The following NOC4L variants were observed in gnomAD, a reference collection of about 807,000 sequenced individuals.
The protein encoded by NOC4L is nucleolar complex protein 4 homolog.
NOC4L carries 40 observed loss-of-function variants against 62.8 expected under a neutral mutation model. The observed-to-expected ratio is 0.64, with a 90% CI of 0.49 to 0.83. NOC4L has a LOEUF of 0.83. Among genes scored for constraint, NOC4L ranks in the 40% least tolerant of loss-of-function variants. The pLI, the probability that NOC4L is intolerant of heterozygous loss-of-function variation, is 0.00. For synonymous variants in NOC4L, 433 were observed against 299.8 expected (o/e 1.44, Z -4.59); for missense variants, 927 against 701.9 (o/e 1.32, Z -3.62).
chr12:132,146,648 A>G (rs181917713), intron 3 of NOC4L, among the ~76,000 whole-genome samples: 1 of 152,190 alleles, frequency 6.6e-6, no homozygotes, highest in East Asian at 1.9e-4. Context: ...CGAGCTGCAG[A>G]CTTTTAAATG....
chr12:132,148,000 G>C, intron 6 of NOC4L, 21 bp downstream of exon 6: 1 of 1,612,428 alleles, frequency 6.2e-7, no homozygotes, highest in South Asian at 1.1e-5. Context: ...TGAGAGTCAG[G>C]GGCGGACAGG....
In NOC4L at chr12:132,147,301, C is replaced by G. The variant is rs1204297086; in HGVS notation, c.366C>G (p.Leu122=). The G allele has an allele frequency of 6.4e-7, 1 of 1,570,900 alleles. No homozygotes were observed. Among genetic ancestry groups the G allele is most frequent in the Middle Eastern group, 1.7e-4 (1 of 6,008 alleles). The change falls in exon 4 of 15, where the codon CTC becomes CTG. Residue 122 remains leucine (L), a synonymous_variant. Coordinates refer to ENST00000330579, the MANE Select transcript of NOC4L (RefSeq NM_024078.3). The part of the protein sequence containing the change: ...FQVKELALSA[L]LKFVQLEGAH... ...CCCAGGAGCTGGCCCTCAGCGCACT[C>G]CTGAAGTTCGTGCAGCTGGAAGGAG...
Position 132,148,912 on chromosome 12 carries a change from CG to C in NOC4L, c.901+18del. ...GCGACCTCGGTGAGTGCCGCCGCCT[CG>C]CTCACACCACACCCCTAATCCCCTC... On this transcript the variant is annotated intron_variant, in intron 9 of 14. Coordinates refer to ENST00000330579, the MANE Select transcript of NOC4L (RefSeq NM_024078.3). The C allele has an allele frequency of 9.0e-7, 1 of 1,115,328 alleles. No individual in the cohort carries two copies. Among genetic ancestry groups the C allele is most frequent in the Non-Finnish European group, 1.2e-6 (1 of 811,716 alleles). 69.1% of individuals were successfully genotyped at this position (1,115,328 alleles called of 1,614,324 possible). A position where few individuals can be genotyped will look rare whatever the true frequency, so the allele number is the denominator to read the frequency against.
At chr12:132,146,136 C>A (rs1317133932) in intron 3 of NOC4L, 1 of 424,468 alleles carries the variant, frequency 2.4e-6, no homozygotes, top group Non-Finnish European at 4.8e-6. Context: ...AATCCTGTAC[C>A]AGTTACCATC....
At chr12:132,145,312 G>C (rs528911900) in intron 2 of NOC4L, among the ~76,000 whole-genome samples, 1 of 152,224 alleles carries the variant, frequency 6.6e-6, no homozygotes, top group South Asian at 2.1e-4. Context: ...GTAAAGAGAG[G>C]GGATGTGGAT....
intron 13 of NOC4L, 106 bp downstream of exon 13, chr12:132,151,926 CA>C: frequency 7.7e-7 from 1 of 1,301,054 alleles, no homozygotes; most frequent in Non-Finnish European, 1.1e-6. Context: ...GTTGCGTCCC[CA>C]GCTGGCCACC....
In NOC4L at chr12:132,151,722, C is replaced by T. The variant is rs377006704; in HGVS notation, c.1235-16C>T. On this transcript the variant is annotated splice_polypyrimidine_tract_variant and intron_variant, in intron 12 of 14. Coordinates refer to ENST00000330579, the MANE Select transcript of NOC4L (RefSeq NM_024078.3). Reference sequence around the variant, plus strand: ...GTGCTGTGGACGGCAGACAAGGGCCCACGTCTCATTCCTAGAGTTGGACGC... The same window carrying T: ...GTGCTGTGGACGGCAGACAAGGGCCTACGTCTCATTCCTAGAGTTGGACGC... 33 of 1,612,380 alleles carry T rather than the reference C, an allele frequency of 2.0e-5. No individual in the cohort carries two copies. In the African/African-American group the frequency reaches 3.7e-4, roughly 18 times the overall value.
In NOC4L at chr12:132,148,116, T is replaced by C; in HGVS notation, c.738+10T>C. 1 of 1,613,130 alleles carries C rather than the reference T, an allele frequency of 6.2e-7. No individual in the cohort carries two copies. Among genetic ancestry groups the C allele is most frequent in the Non-Finnish European group, 8.5e-7 (1 of 1,179,920 alleles). On this transcript the variant is annotated intron_variant, in intron 7 of 14. Coordinates refer to ENST00000330579, the MANE Select transcript of NOC4L (RefSeq NM_024078.3). Reference sequence around the variant, plus strand: ...GGTTGCTCACCTGAAGGTGAGTTGCTTCTGGAGAGCCGGGCACCCTCCCGG... The same window carrying C: ...GGTTGCTCACCTGAAGGTGAGTTGCCTCTGGAGAGCCGGGCACCCTCCCGG...
In NOC4L at chr12:132,148,800, A is replaced by T. The variant is rs200393480; in HGVS notation, c.806A>T (p.Tyr269Phe). ...CCCGCCCAGCTGCCCCTCAGCCTCT[A>T]CAAGAAGGTGCTGCTGATTGTGCAT... ...FLKHKLPLSLYKKVLLIVHDA... is the reference protein window; with the variant it reads ...FLKHKLPLSLFKKVLLIVHDA... Residue 269 changes from tyrosine to phenylalanine, a missense_variant, in exon 9 of 15, where the codon TAC becomes TTC. Transcript: ENST00000330579. 6.5e-7 allele frequency: 1 copy of T among 1,532,772 alleles called. No homozygotes were observed. The highest frequency in any genetic ancestry group is 1.6e-5 in the African/African-American group (1 of 63,066). The allele number at this position is 1,532,772 out of a possible 1,614,324, so 94.9% of individuals were successfully genotyped here.
In NOC4L at chr12:132,148,690, C is replaced by T. The variant is rs374512927; in HGVS notation, c.789+31C>T. 8.5e-5 allele frequency: 130 copies of T among 1,531,378 alleles called. No homozygotes were observed. The African/African-American group carries it at 1.1e-3, about 13-fold the overall frequency. 94.9% of individuals were successfully genotyped at this position (1,531,378 alleles called of 1,614,324 possible). A position where few individuals can be genotyped will look rare whatever the true frequency, so the allele number is the denominator to read the frequency against. ...GGCCAGGCCGGGGAGGGGGCGGGGG[C>T]GGCATCCGGGTCTCCCCCAGGGCGG... On this transcript the variant is annotated intron_variant, in intron 8 of 14. Coordinates refer to ENST00000330579, the MANE Select transcript of NOC4L (RefSeq NM_024078.3).
In NOC4L at chr12:132,144,940, G is replaced by T; in HGVS notation, c.204G>T (p.Val68=). The part of the protein sequence containing the change: ...GALLERGELF[V]GQLPSEEMVM... ...TGCTGGAGCGGGGAGAGCTGTTTGT[G>T]GGCCAGCTGCCCTCTGAGGAGATGG... The change falls in exon 2 of 15, where the codon GTG becomes GTT. Residue 68 remains valine (V), a synonymous_variant. Coordinates refer to ENST00000330579, the MANE Select transcript of NOC4L (RefSeq NM_024078.3). The T allele has an allele frequency of 6.2e-7, 1 of 1,600,732 alleles. No homozygotes were observed. The highest frequency in any genetic ancestry group is 8.5e-7 in the Non-Finnish European group (1 of 1,174,614).
At chr12:132,151,452 G>C (rs200991232) in intron 11 of NOC4L, 32 bp from the exon 12 acceptor site, 13 of 1,599,704 alleles carry the variant, frequency 8.1e-6, no homozygotes, top group African/African-American at 4.0e-5. Flanking sequence ...CTAGCAGTCC[G>C]GGCCCTGTCT....
At chr12:132,148,993 G>A (rs1210501550) in intron 9 of NOC4L, 98 bp downstream of exon 9, 25 of 177,516 alleles carry the variant, frequency 1.4e-4, no homozygotes, top group Admixed American at 9.3e-4. Context: ...GGTGAGTGCC[G>A]CCGCCTCACT....
intron 3 of NOC4L, among the ~76,000 whole-genome samples, chr12:132,145,939 CA>C (rs1897701251): frequency 6.6e-6 from 1 of 152,172 alleles, no homozygotes; most frequent in South Asian, 2.1e-4. Context: ...CGTGCCAGTC[CA>C]CAGATGTGTT....
chr12:132,151,094 C>G (rs1897921170), intron 10 of NOC4L, 53 bp downstream of exon 10: 1 of 1,533,874 alleles, frequency 6.5e-7, no homozygotes, highest in South Asian at 1.2e-5. Flanking sequence ...AGCCCTGCTC[C>G]TCTGTCCCCT....
chr12:132,145,776 C>G, intron 3 of NOC4L, 111 bp downstream of exon 3: 1 of 697,772 alleles, frequency 1.4e-6, no homozygotes, highest in South Asian at 1.8e-5. Context: ...AAGCTGCTTC[C>G]TTCATGGGAG....
At chr12:132,145,454 G>C (rs1164141044) in intron 2 of NOC4L, 105 bp from the exon 3 acceptor site, 4 of 715,406 alleles carry the variant, frequency 5.6e-6, no homozygotes, top group Non-Finnish European at 7.1e-6. Flanking sequence ...TGCGGAGGCT[G>C]AGTAGAAGAC....
Position 132,148,635 on chromosome 12 carries a change from G to C in NOC4L, c.765G>C (p.Met255Ile). ...AGCACAGGAGGGTTTTCCAGGCCAT[G>C]TGGCTCAGCTTCCTCAAGCACAAGG... ...LKEHRRVFQA[M>I]WLSFLKHKLP... Residue 255 changes from methionine to isoleucine, a missense_variant, in exon 8 of 15, where the codon ATG becomes ATC. Met to Ile is a conservative substitution (Grantham distance 10, BLOSUM62 1). Coordinates refer to ENST00000330579, the MANE Select transcript of NOC4L (RefSeq NM_024078.3). 1 of 1,548,886 alleles carries C rather than the reference G, an allele frequency of 6.5e-7. No individual in the cohort carries two copies.
rs759086602 is a variant in NOC4L at position 132,148,789 on chromosome 12, C to T, written c.795C>T (p.Pro265=). Residue 265 remains proline (P), a synonymous_variant, in exon 9 of 15, where the codon CCC becomes CCT. Coordinates refer to ENST00000330579, the MANE Select transcript of NOC4L (RefSeq NM_024078.3). Reference sequence around the variant, plus strand: ...ACCTGCCGGCCCCCGCCCAGCTGCCCCTCAGCCTCTACAAGAAGGTGCTGC... The same window carrying T: ...ACCTGCCGGCCCCCGCCCAGCTGCCTCTCAGCCTCTACAAGAAGGTGCTGC... ...MWLSFLKHKL[P]LSLYKKVLLI... 46 of 1,583,282 alleles carry T rather than the reference C, an allele frequency of 2.9e-5. No individual in the cohort carries two copies. Among genetic ancestry groups the T allele is most frequent in the Admixed American group, 5.2e-5 (3 of 57,258 alleles).
Sources: gnomAD v4.1 joint callset for allele counts (sites outside exome capture counted in the v4.1 genomes callset) on GRCh38, gnomAD v4.1.1 for gene constraint, MANE v1.5 for transcripts, NCBI Gene and HGNC (gene_info 2026-07-23, HGNC 2026-07-21) for gene names.